The following VWDE variants were observed in gnomAD, a reference collection of about 807,000 sequenced individuals.
VWDE encodes the protein von Willebrand factor D and EGF domains.
Under a neutral mutation model 178.4 loss-of-function variants are expected in VWDE, and 207 were observed. The observed-to-expected ratio is 1.16, with a 90% CI of 1.04 to 1.30. VWDE has a LOEUF of 1.30. VWDE is among the 50% of genes most tolerant of loss of function. VWDE has a pLI of 0.00. For synonymous variants in VWDE, 738 were observed against 651.4 expected, an observed-to-expected ratio of 1.13 and a Z score of -2.02; for missense variants, 2,287 against 1,901.3, an observed-to-expected ratio of 1.20 and a Z score of -3.77.
At chr7:12,397,109 C>A (rs544123543) in intron 1 of VWDE, among the ~76,000 whole-genome samples, 48 of 151,980 alleles carry the variant, frequency 3.2e-4, no homozygotes, top group Admixed American at 2.9e-3. Flanking sequence ...GTCCCAATAG[C>A]AAAAGCAATC....
chr7:12,390,407 T>C (rs980909559), intron 2 of VWDE, among the ~76,000 whole-genome samples: 3 of 152,100 alleles, frequency 2.0e-5, no homozygotes, highest in Admixed American at 6.5e-5. Context: ...TAGTGAGGTA[T>C]AGATAAAGTA....
At chr7:12,377,079 G>A (rs1450156217) in intron 7 of VWDE, among the ~76,000 whole-genome samples, 1 of 152,122 alleles carries the variant, frequency 6.6e-6, no homozygotes, top group Non-Finnish European at 1.5e-5. Context: ...TATATTTTAT[G>A]TATCTGTAAC....
intron 19 of VWDE, among the ~76,000 whole-genome samples, chr7:12,350,851 T>C (rs763261069): frequency 6.6e-5 from 10 of 152,106 alleles, no homozygotes; most frequent in Non-Finnish European, 1.3e-4. Context: ...ACATTATAAG[T>C]ATAAATTAAA....
intron 16 of VWDE, among the ~76,000 whole-genome samples, chr7:12,358,984 A>G (rs950937362): frequency 6.6e-6 from 1 of 152,210 alleles, no homozygotes; most frequent in Non-Finnish European, 1.5e-5. Context: ...GACTTCCTTA[A>G]ATAAAATTAC....
chr7:12,399,328 G>A (rs2128565064), intron 1 of VWDE, among the ~76,000 whole-genome samples: 1 of 152,216 alleles, frequency 6.6e-6, no homozygotes, highest in South Asian at 2.1e-4. Context: ...TCTTACCAGA[G>A]ACAAGAGGGA....
intron 7 of VWDE, among the ~76,000 whole-genome samples, chr7:12,376,883 G>A (rs1464337962): frequency 6.6e-6 from 1 of 151,648 alleles, no homozygotes; most frequent in Non-Finnish European, 1.5e-5. Flanking sequence ...CATTCCAAAT[G>A]ATTCTCTTTC....
chr7:12,333,540 T>C lies in VWDE; in HGVS notation c.4683A>G (p.Gly1561=), dbSNP rs1393257082. 5.2e-6 allele frequency: 8 copies of C among 1,551,108 alleles called. No individual in the cohort carries two copies. In the Admixed American group the frequency reaches 5.9e-5, roughly 11 times the overall value. The change falls in exon 28 of 29, where the codon GGA becomes GGG. Residue 1561 remains glycine, a synonymous_variant. Coordinates refer to ENST00000275358, the MANE Select transcript of VWDE (RefSeq NM_001135924.3). The stretch of plus-strand genomic sequence containing the variant: ...ACACATTGGGAAATATGCATCTGCC[T>C]CCATAAAGACATTTTGGGTTGCAAA... ...IPICNPKCLY[G]GRCIFPNVCS...
intron 18 of VWDE, chr7:12,354,237 C>G (rs980832169): frequency 4.0e-5 from 13 of 322,340 alleles, no homozygotes; most frequent in Non-Finnish European, 7.2e-5. Flanking sequence ...CAATGCATGA[C>G]ACTTAATGCA....
At chr7:12,356,048 A>C in intron 18 of VWDE, 63 bp downstream of exon 18, 1 of 1,315,428 alleles carries the variant, frequency 7.6e-7, no homozygotes, top group Non-Finnish European at 1.1e-6. Context: ...TGCTTAAGTA[A>C]TCTGTAGATA....
At chr7:12,371,062 G>C (rs928223992) in intron 10 of VWDE, among the ~76,000 whole-genome samples, 198 bp from the exon 11 acceptor site, 6 of 151,938 alleles carry the variant, frequency 3.9e-5, no homozygotes, top group African/African-American at 1.4e-4. Context: ...TTGCTGACCT[G>C]AAATTTGATT....
chr7:12,390,784 G>A (rs1562518039), intron 2 of VWDE, among the ~76,000 whole-genome samples: 2 of 151,888 alleles, frequency 1.3e-5, no homozygotes, highest in Non-Finnish European at 1.5e-5. Flanking sequence ...GTATGTTTAT[G>A]TACTGCTATT....
At chr7:12,390,021 C>T (rs1212514149) in intron 2 of VWDE, among the ~76,000 whole-genome samples, 1 of 151,778 alleles carries the variant, frequency 6.6e-6, no homozygotes, top group Non-Finnish European at 1.5e-5. Context: ...AAGAATTAGC[C>T]GGGTGTGGTG....
At chr7:12,352,951 C>A (rs1296117955) in intron 18 of VWDE, among the ~76,000 whole-genome samples, 1 of 152,074 alleles carries the variant, frequency 6.6e-6, no homozygotes, top group Non-Finnish European at 1.5e-5. Context: ...GCTGATTATT[C>A]TAAGATTTAT....
chr7:12,383,266 G>A (rs1187382007), intron 4 of VWDE, among the ~76,000 whole-genome samples: 1 of 152,032 alleles, frequency 6.6e-6, no homozygotes, highest in Non-Finnish European at 1.5e-5. Context: ...AAACACACAT[G>A]GAGTTTTAAG....
intron 3 of VWDE, among the ~76,000 whole-genome samples, chr7:12,386,594 A>G (rs1040346984): frequency 2.0e-5 from 3 of 152,112 alleles, no homozygotes; most frequent in Non-Finnish European, 4.4e-5. Context: ...TTATTGCCTT[A>G]GGGCCTGCTG....
At chr7:12,334,175 ATACT>A (rs1260418762) in intron 27 of VWDE, among the ~76,000 whole-genome samples, 6 of 151,698 alleles carry the variant, frequency 4.0e-5, no homozygotes, top group African/African-American at 7.3e-5. Flanking sequence ...AATACTTATA[ATACT>A]TAATAATAAC....
At position 12,343,286 on chromosome 7, in the gene VWDE, T is replaced by C. The variant is rs1781426915; in HGVS notation, c.4079-108A>G. ...ATCTTGTTGTAAGAGTAATTTATAATACATTAAGCTCTCTTTTACTACAAA... is the reference window on the plus strand; with the variant it reads ...ATCTTGTTGTAAGAGTAATTTATAACACATTAAGCTCTCTTTTACTACAAA... On this transcript the variant is annotated intron_variant, in intron 21 of 28. Coordinates refer to ENST00000275358, the MANE Select transcript of VWDE (RefSeq NM_001135924.3). 8.6e-6 allele frequency: 6 copies of C among 694,216 alleles called. No homozygotes were observed. The South Asian group carries it at 1.2e-4, about 14-fold the overall frequency. The allele number at this position is 694,216 out of a possible 1,614,324, so 43.0% of individuals were successfully genotyped here. A position where few individuals can be genotyped will look rare whatever the true frequency, so the allele number is the denominator to read the frequency against.
Position 12,335,299 on chromosome 7 carries a change from T to C in VWDE, c.4654+842A>G, listed in dbSNP as rs549182538. Among the ~76,000 whole-genome samples, 2 of 152,160 alleles carry C rather than the reference T, an allele frequency of 1.3e-5. 1 individual carries two copies. The highest frequency in any genetic ancestry group is 1.3e-4 in the Admixed American group (2 of 15,282). On this transcript the variant is annotated intron_variant, in intron 27 of 28. Transcript: ENST00000275358. ...TCTTTTTTCAAGTTTCCACAAAAAA[T>C]TTCAAAATTGCATGAAATTTGATCT...
chr7:12,356,603 T>C (rs1234040517), intron 17 of VWDE, among the ~76,000 whole-genome samples: 6 of 152,178 alleles, frequency 3.9e-5, no homozygotes, highest in Non-Finnish European at 8.8e-5. Context: ...ATTTCTGTCA[T>C]GCAAGTAGAA....
Sources: allele counts gnomAD v4.1 joint callset (sites outside exome capture counted in the v4.1 genomes callset), GRCh38; gene constraint gnomAD v4.1.1; transcripts MANE v1.5; gene names NCBI Gene and HGNC (gene_info 2026-07-23, HGNC 2026-07-21).